RNF24: variants seen among roughly 807,000 people sequenced by gnomAD.
The protein encoded by RNF24 is ring finger protein 24.
A neutral mutation model predicts 20.0 loss-of-function variants in RNF24; 14 were observed. The observed-to-expected ratio is 0.70, with a 90% CI of 0.46 to 1.10. RNF24 has a LOEUF of 1.10. Among genes scored for constraint, RNF24 ranks in the 50% least tolerant of loss-of-function variants. The pLI is 0.00. For synonymous variants in RNF24, 45 were observed against 61.1 expected (o/e 0.74, Z 1.23); for missense variants, 124 against 177.6 (o/e 0.70, Z 1.71).
intron 1 of RNF24, among the ~76,000 whole-genome samples, chr20:3,999,202 TGA>T (rs1277408938): frequency 6.6e-6 from 1 of 152,184 alleles, no homozygotes; most frequent in Non-Finnish European, 1.5e-5. Flanking sequence ...CAAATAAAAG[TGA>T]GAGTGTTGCA....
At chr20:3,993,840 T>C (rs1980652774) in intron 1 of RNF24, among the ~76,000 whole-genome samples, 2 of 152,210 alleles carry the variant, frequency 1.3e-5, no homozygotes, top group African/African-American at 4.8e-5. Context: ...AAACTTTTTA[T>C]TTTGAAATAA....
intron 2 of RNF24, among the ~76,000 whole-genome samples, chr20:3,958,767 G>C (rs1489297560): frequency 6.6e-6 from 1 of 152,170 alleles, no homozygotes; most frequent in Non-Finnish European, 1.5e-5. Context: ...TCAGCCTCCT[G>C]AGTAGCTGGG....
chr20:3,979,020 G>T (rs998711232), intron 1 of RNF24, among the ~76,000 whole-genome samples: 6 of 150,904 alleles, frequency 4.0e-5, no homozygotes, highest in African/African-American at 1.5e-4. Context: ...GTTAAACTCG[G>T]AAGGCGGAGG....
At chr20:3,957,310 A>C (rs1377369666) in intron 2 of RNF24, among the ~76,000 whole-genome samples, 1 of 151,850 alleles carries the variant, frequency 6.6e-6, no homozygotes, top group East Asian at 1.9e-4. Flanking sequence ...AAAGAAAAAA[A>C]GTTAGCCAGG....
Position 3,927,928 on chromosome 20 carries a change from C to T in RNF24, c.*6135G>A, listed in dbSNP as rs1364199170. On this transcript the variant is annotated 3_prime_UTR_variant, in exon 6 of 6. Coordinates refer to ENST00000358395, the MANE Select transcript of RNF24 (RefSeq NM_001134337.3). Reference sequence around the variant, plus strand: ...TGATGCTTGGTCAAAAAGTGGAGTACATCTTTGCATCTTGTAACAATTTGG... The same window carrying T: ...TGATGCTTGGTCAAAAAGTGGAGTATATCTTTGCATCTTGTAACAATTTGG... 6.6e-6 allele frequency: 1 copy of T among 152,196 alleles called. No individual in the cohort carries two copies. Among genetic ancestry groups the T allele is most frequent in the East Asian group, 1.9e-4 (1 of 5,200 alleles). 9.4% of individuals were successfully genotyped at this position (152,196 alleles called of 1,614,324 possible). A position where few individuals can be genotyped will look rare whatever the true frequency, so the allele number is the denominator to read the frequency against.
At chr20:3,998,908 C>T (rs772269067) in intron 1 of RNF24, among the ~76,000 whole-genome samples, 2 of 143,418 alleles carry the variant, frequency 1.4e-5, no homozygotes, top group Non-Finnish European at 3.1e-5. Flanking sequence ...GGCAAAACCC[C>T]ATCTCTACTA....
chr20:3,973,188 C>T (rs145342418), intron 1 of RNF24, among the ~76,000 whole-genome samples: 14 of 151,410 alleles, frequency 9.2e-5, no homozygotes, highest in Admixed American at 4.6e-4. Flanking sequence ...GGGTGACACA[C>T]GCGAAACGCC....
At chr20:3,964,373 T>A (rs1487838942) in intron 1 of RNF24, among the ~76,000 whole-genome samples, 1 of 152,230 alleles carries the variant, frequency 6.6e-6, no homozygotes, top group East Asian at 1.9e-4. Flanking sequence ...CTTCAAACTC[T>A]TTAGCCTTTA....
intron 1 of RNF24, among the ~76,000 whole-genome samples, chr20:4,012,900 G>A (rs867730083): frequency 6.6e-6 from 1 of 151,968 alleles, no homozygotes; most frequent in African/African-American, 2.4e-5. Context: ...TTCCCCTTAC[G>A]GTTTGTTTTA....
At position 3,948,210 on chromosome 20, in the gene RNF24, A is replaced by T. The variant is rs746623853; in HGVS notation, c.186+27T>A. 7.7e-6 allele frequency: 12 copies of T among 1,553,748 alleles called. No individual in the cohort carries two copies. The South Asian group carries it at 1.3e-4, about 17-fold the overall frequency. ...GTTTTTTGGGGGGAAAAAAAAAATC[A>T]AAGCCAATCTGAATTAAATTTCTCA... On this transcript the variant is annotated intron_variant, in intron 3 of 5. Transcript: ENST00000358395.
At chr20:3,991,195 T>C (rs991644076) in intron 1 of RNF24, among the ~76,000 whole-genome samples, 1 of 151,900 alleles carries the variant, frequency 6.6e-6, no homozygotes, top group Non-Finnish European at 1.5e-5. Flanking sequence ...AAAATTTAAT[T>C]GTAAATGGAA....
At chr20:4,008,376 A>ATTATATATAATATG (rs1183707959) in intron 1 of RNF24, among the ~76,000 whole-genome samples, 8 of 35,634 alleles carry the variant, frequency 2.2e-4, no homozygotes, top group African/African-American at 1.1e-3. Flanking sequence ...TATATTATAT[A>ATTATATATAATATG]TATAATATAT....
chr20:4,002,737 G>A (rs1013858061), intron 1 of RNF24, among the ~76,000 whole-genome samples: 1 of 152,022 alleles, frequency 6.6e-6, no homozygotes, highest in Non-Finnish European at 1.5e-5. Flanking sequence ...CCTGAAGTAG[G>A]TTATTTCACT....
At chr20:3,965,595 ATCT>A (rs1267315593) in intron 1 of RNF24, among the ~76,000 whole-genome samples, 2 of 152,196 alleles carry the variant, frequency 1.3e-5, no homozygotes, top group East Asian at 3.8e-4. Flanking sequence ...CTACATTCAG[ATCT>A]TCTTACGAAG....
intron 2 of RNF24, among the ~76,000 whole-genome samples, chr20:3,957,449 C>T (rs1275868732): frequency 8.0e-6 from 1 of 125,782 alleles, no homozygotes; most frequent in Admixed American, 8.1e-5. Context: ...CAGGCTGAGA[C>T]CCTGTCTCAA....
At chr20:3,998,958 T>C (rs946494962) in intron 1 of RNF24, among the ~76,000 whole-genome samples, 6 of 151,698 alleles carry the variant, frequency 4.0e-5, no homozygotes, top group Non-Finnish European at 8.8e-5. Flanking sequence ...TGTGCACCTG[T>C]AACCCCAGCT....
chr20:3,964,470 A>G (rs191184307), intron 1 of RNF24, among the ~76,000 whole-genome samples: 10 of 152,322 alleles, frequency 6.6e-5, no homozygotes, highest in Middle Eastern at 3.4e-3. Context: ...AAATATGATT[A>G]ATTATATAGT....
At position 3,928,810 on chromosome 20, in the gene RNF24, A is replaced by C. The variant is rs1361698536; in HGVS notation, c.*5253T>G. 2.7e-5 allele frequency: 4 copies of C among 150,928 alleles called. No homozygotes were observed. The highest frequency in any genetic ancestry group is 5.9e-5 in the Non-Finnish European group (4 of 67,742). The allele number at this position is 150,928 out of a possible 1,614,324, so 9.3% of individuals were successfully genotyped here. ...GGGGTAATTTCTGTTGTCAAATGGA[A>C]AACAAGGCATAAAGGGAAAATTCTG... is the stretch of plus-strand genomic sequence containing the variant. On this transcript the variant is annotated 3_prime_UTR_variant, in exon 6 of 6. Transcript: ENST00000358395.
At chr20:3,978,244 G>A (rs767459855) in intron 1 of RNF24, among the ~76,000 whole-genome samples, 7 of 151,992 alleles carry the variant, frequency 4.6e-5, no homozygotes, top group Non-Finnish European at 7.4e-5. Flanking sequence ...CGCCCTGTTG[G>A]CCAGGCCGGT....
Sources: gnomAD v4.1 joint callset for allele counts (sites outside exome capture counted in the v4.1 genomes callset) on GRCh38, gnomAD v4.1.1 for gene constraint, MANE v1.5 for transcripts, NCBI Gene and HGNC (gene_info 2026-07-23, HGNC 2026-07-21) for gene names.